Variants in LAMA4 observed in about 807,000 individuals in gnomAD.
LAMA4 encodes laminin subunit alpha-4.
In LAMA4, 127 loss-of-function variants were observed where a neutral mutation model predicts 207.1. The observed-to-expected ratio is 0.61, with a 90% CI of 0.53 to 0.71. LAMA4 has a LOEUF of 0.71. Ranked by LOEUF, LAMA4 falls within the 30% of genes least tolerant of loss-of-function variation. The pLI is 0.00. For synonymous variants in LAMA4, 761 were observed against 816.0 expected, an observed-to-expected ratio of 0.93 and a Z score of 1.15; for missense variants, 2,093 against 2,246.5, an observed-to-expected ratio of 0.93 and a Z score of 1.38.
intron 9 of LAMA4, among the ~76,000 whole-genome samples, chr6:112,183,544 T>C (rs1482923911): frequency 3.9e-5 from 6 of 152,110 alleles, no homozygotes; most frequent in Non-Finnish European, 7.4e-5. Flanking sequence ...TAGCTTACAT[T>C]AGAAGTGGGG....
chr6:112,135,549 C>T (rs1554331297), intron 25 of LAMA4, among the ~76,000 whole-genome samples: 1 of 152,168 alleles, frequency 6.6e-6, no homozygotes, highest in Non-Finnish European at 1.5e-5. Flanking sequence ...CTTGTATACA[C>T]TTTATTAAGT....
chr6:112,232,401 A>G (rs1785623220), intron 2 of LAMA4, among the ~76,000 whole-genome samples: 1 of 152,110 alleles, frequency 6.6e-6, no homozygotes, highest in Non-Finnish European at 1.5e-5. Flanking sequence ...CATCCTTTTC[A>G]TGTTATTTAA....
At chr6:112,226,800 T>C (rs1785238953) in intron 2 of LAMA4, among the ~76,000 whole-genome samples, 1 of 152,198 alleles carries the variant, frequency 6.6e-6, no homozygotes, top group Non-Finnish European at 1.5e-5. Context: ...AAGATATCTC[T>C]AACTACAAAT....
chr6:112,182,531 G>C (rs1554345589), intron 9 of LAMA4, among the ~76,000 whole-genome samples: 3 of 152,190 alleles, frequency 2.0e-5, no homozygotes, highest in Non-Finnish European at 4.4e-5. Flanking sequence ...CAGAGATGAG[G>C]TTCAGATGCT....
chr6:112,199,450 C>T (rs1435793426), intron 5 of LAMA4, among the ~76,000 whole-genome samples: 3 of 152,102 alleles, frequency 2.0e-5, no homozygotes, highest in African/African-American at 4.8e-5. Flanking sequence ...GATTAACAAC[C>T]GCCACAGACC....
intron 22 of LAMA4, among the ~76,000 whole-genome samples, chr6:112,140,319 C>T (rs1360014093): frequency 6.6e-6 from 1 of 152,208 alleles, no homozygotes; most frequent in Non-Finnish European, 1.5e-5. Flanking sequence ...CCCCCTTCAT[C>T]AGATTTCATA....
chr6:112,254,001 C>G lies in LAMA4; in HGVS notation c.150G>C (p.Thr50=). 6.3e-7 allele frequency: 1 copy of G among 1,586,718 alleles called. No individual in the cohort carries two copies. The highest frequency in any genetic ancestry group is 8.6e-7 in the Non-Finnish European group (1 of 1,165,978). The change falls in exon 2 of 39, where the codon ACG becomes ACC. Residue 50 remains threonine, a synonymous_variant. Coordinates refer to ENST00000230538, the MANE Select transcript of LAMA4 (RefSeq NM_001105206.3). ...SAVGRQDPPE[T]SEPRVALGRL... Reference sequence around the variant, plus strand: ...GTCCCAGAGCCACGCGGGGTTCGCTCGTCTCAGGCGGGTCTTGCCTGCCAA... The same window carrying G: ...GTCCCAGAGCCACGCGGGGTTCGCTGGTCTCAGGCGGGTCTTGCCTGCCAA...
intron 7 of LAMA4, among the ~76,000 whole-genome samples, chr6:112,187,942 C>T (rs1782793147): frequency 6.6e-6 from 1 of 152,132 alleles, no homozygotes; most frequent in African/African-American, 2.4e-5. Flanking sequence ...GTTATCGCTG[C>T]GAGAGTCGCT....
intron 12 of LAMA4, 156 bp downstream of exon 12, chr6:112,172,455 G>C: frequency 1.4e-6 from 1 of 692,992 alleles, no homozygotes; most frequent in South Asian, 1.8e-5. Context: ...GAACACACAA[G>C]TTAGTAATTT....
At chr6:112,207,187 A>C (rs1179170831) in intron 3 of LAMA4, 42 bp from the exon 4 acceptor site, 1 of 1,611,382 alleles carries the variant, frequency 6.2e-7, no homozygotes, top group East Asian at 2.2e-5. Flanking sequence ...GATGCGAAAG[A>C]AATTTTAGAG....
chr6:112,246,314 G>T (rs1391196112), intron 2 of LAMA4, among the ~76,000 whole-genome samples: 2 of 152,082 alleles, frequency 1.3e-5, no homozygotes, highest in African/African-American at 4.8e-5. Flanking sequence ...GCATATACTA[G>T]CAATCTGGTT....
rs1554346385 is a variant in LAMA4 at position 112,185,361 on chromosome 6, T to C, written c.967-14A>G. 1 of 1,494,892 alleles carries C rather than the reference T, an allele frequency of 6.7e-7. No individual in the cohort carries two copies. Among genetic ancestry groups the C allele is most frequent in the South Asian group, 1.1e-5 (1 of 88,612 alleles). 92.6% of individuals were successfully genotyped at this position (1,494,892 alleles called of 1,614,324 possible). On this transcript the variant is annotated splice_polypyrimidine_tract_variant and intron_variant, in intron 8 of 38. Coordinates refer to ENST00000230538, the MANE Select transcript of LAMA4 (RefSeq NM_001105206.3). Reference sequence around the variant, plus strand: ...TGACAATTTTGTCTGCAGAAGAATGTGTTTTGAGAATAGTCAATGGGCACA... The same window carrying C: ...TGACAATTTTGTCTGCAGAAGAATGCGTTTTGAGAATAGTCAATGGGCACA...
chr6:112,137,751 C>G (rs948031640), intron 24 of LAMA4, among the ~76,000 whole-genome samples: 1 of 152,208 alleles, frequency 6.6e-6, no homozygotes, highest in South Asian at 2.1e-4. Context: ...CTGGCTACTT[C>G]CTACAAATTT....
At chr6:112,250,123 T>C (rs1371498710) in intron 2 of LAMA4, among the ~76,000 whole-genome samples, 1 of 152,192 alleles carries the variant, frequency 6.6e-6, no homozygotes, top group Non-Finnish European at 1.5e-5. Context: ...AATGACTGCA[T>C]GTAAGGGGTT....
chr6:112,215,176 G>A (rs1385692743), intron 3 of LAMA4, among the ~76,000 whole-genome samples: 1 of 152,190 alleles, frequency 6.6e-6, no homozygotes, highest in Non-Finnish European at 1.5e-5. Flanking sequence ...TTTGGCAGCT[G>A]CAGAAGCCTA....
At chr6:112,138,687 A>C (rs1329331689) in intron 24 of LAMA4, among the ~76,000 whole-genome samples, 1 of 152,144 alleles carries the variant, frequency 6.6e-6, no homozygotes, top group Non-Finnish European at 1.5e-5. Context: ...TTTATAGTAC[A>C]CATGTATCAT....
chr6:112,230,245 C>A (rs1264057163), intron 2 of LAMA4, among the ~76,000 whole-genome samples: 5 of 152,228 alleles, frequency 3.3e-5, no homozygotes, highest in Admixed American at 2.6e-4. Context: ...AATGTGCTTA[C>A]ATTTAAGATA....
At position 112,139,695 on chromosome 6, in the gene LAMA4, C is replaced by G. The variant is rs1269262007; in HGVS notation, c.3110+57G>C. On this transcript the variant is annotated intron_variant, in intron 23 of 38. Coordinates refer to ENST00000230538, the MANE Select transcript of LAMA4 (RefSeq NM_001105206.3). ...ACCTGAATATTGACTCATACTTGTTCTATCTGCTGCTCTTGCATGAATATC... is the reference window on the plus strand; with the variant it reads ...ACCTGAATATTGACTCATACTTGTTGTATCTGCTGCTCTTGCATGAATATC... 7 of 1,594,624 alleles carry G rather than the reference C, an allele frequency of 4.4e-6. No individual in the cohort carries two copies. The Admixed American group carries it at 8.3e-5, about 19-fold the overall frequency.
intron 2 of LAMA4, 144 bp from the exon 3 acceptor site, chr6:112,216,613 CTAAAA>C (rs1323523032): frequency 2.9e-6 from 2 of 682,402 alleles, no homozygotes; most frequent in Middle Eastern, 2.9e-4. Flanking sequence ...ACAAAACATA[CTAAAA>C]TAAACTATTT....
Sources: allele counts gnomAD v4.1 joint callset (sites outside exome capture counted in the v4.1 genomes callset), GRCh38; gene constraint gnomAD v4.1.1; transcripts MANE v1.5; gene names NCBI Gene and HGNC (gene_info 2026-07-23, HGNC 2026-07-21).